Variants in TBXAS1 observed in about 807,000 individuals in gnomAD.
TBXAS1 encodes thromboxane A synthase 1, also known as thromboxane-A synthase.
In TBXAS1, 48 loss-of-function variants were observed where a neutral mutation model predicts 60.7. The observed-to-expected ratio is 0.79, with a 90% CI of 0.63 to 1.01. The LOEUF (loss-of-function observed/expected upper bound fraction) is 1.01, where lower values mean the gene tolerates loss of function less well. TBXAS1 is among the 50% of genes least tolerant of loss of function. The pLI, the probability that TBXAS1 is intolerant of heterozygous loss-of-function variation, is 0.00. For synonymous variants in TBXAS1, 287 were observed against 269.7 expected (o/e 1.06, Z -0.63); for missense variants, 685 against 686.3 (o/e 1.00, Z 0.02).
chr7:139,897,368 G>A (rs1804197301), intron 3 of TBXAS1, among the ~76,000 whole-genome samples: 1 of 151,848 alleles, frequency 6.6e-6, no homozygotes, highest in South Asian at 2.1e-4. Context: ...GGCAGGCGGG[G>A]GGAATAAGGA....
intron 4 of TBXAS1, among the ~76,000 whole-genome samples, chr7:139,930,594 C>T (rs930686795): frequency 6.6e-6 from 1 of 152,142 alleles, no homozygotes; most frequent in African/African-American, 2.4e-5. Context: ...GCAAATGCAA[C>T]CCGAGCTTCC....
At chr7:139,860,512 G>A (rs960102261) in intron 1 of TBXAS1, among the ~76,000 whole-genome samples, 1 of 152,236 alleles carries the variant, frequency 6.6e-6, no homozygotes. Flanking sequence ...ATGTGATTAA[G>A]TTGAAGATCA....
intron 3 of TBXAS1, among the ~76,000 whole-genome samples, chr7:139,892,462 G>A (rs762805719): frequency 3.3e-5 from 5 of 152,154 alleles, no homozygotes; most frequent in East Asian, 3.9e-4. Context: ...GTATGGTGCC[G>A]CGCACCTGTA....
intron 9 of TBXAS1, among the ~76,000 whole-genome samples, chr7:139,992,044 G>A (rs554393136): frequency 1.1e-3 from 166 of 152,252 alleles, no homozygotes; most frequent in African/African-American, 3.4e-3. Context: ...CTCCCCCAAC[G>A]CCCAGCCAAG....
chr7:139,902,150 G>A (rs1198512791), intron 3 of TBXAS1, among the ~76,000 whole-genome samples: 1 of 151,492 alleles, frequency 6.6e-6, no homozygotes, highest in Non-Finnish European at 1.5e-5. Flanking sequence ...GTGTGTGTGT[G>A]TAGTTCTATG....
intron 2 of TBXAS1, among the ~76,000 whole-genome samples, chr7:139,873,310 C>T (rs750457492): frequency 1.3e-5 from 2 of 152,072 alleles, no homozygotes; most frequent in Admixed American, 6.6e-5. Flanking sequence ...TAGGAAGGCA[C>T]GTGAAGAACT....
At chr7:139,954,497 T>C (rs377177026) in intron 6 of TBXAS1, among the ~76,000 whole-genome samples, 5 of 152,348 alleles carry the variant, frequency 3.3e-5, no homozygotes, top group African/African-American at 1.2e-4. Flanking sequence ...AAAAGCAGTG[T>C]GAATTTTAAA....
Position 139,933,748 on chromosome 7 carries a change from C to T in TBXAS1, c.334-2443C>T, listed in dbSNP as rs982857643. ...TTACAAGGCTTTTGAATTCTGATGA[C>T]TGGCTTCATGTTTCAGCTATAATTA... On this transcript the variant is annotated intron_variant, in intron 4 of 12. Transcript: ENST00000448866. Among the ~76,000 whole-genome samples the T allele has an allele frequency of 1.2e-4, 19 of 152,102 alleles. No individual in the cohort carries two copies. In the Middle Eastern group the frequency reaches 0.014, roughly 109 times the overall value.
intron 2 of TBXAS1, among the ~76,000 whole-genome samples, chr7:139,873,261 C>T (rs1801958566): frequency 6.6e-6 from 1 of 152,160 alleles, no homozygotes; most frequent in Admixed American, 6.5e-5. Flanking sequence ...CTGGGCAATG[C>T]AGTTGGGTGA....
intron 9 of TBXAS1, among the ~76,000 whole-genome samples, chr7:139,976,938 G>A (rs571430797): frequency 1.3e-5 from 2 of 152,208 alleles, no homozygotes; most frequent in East Asian, 3.9e-4. Context: ...TGGGTTTTCC[G>A]TGATCATGCT....
chr7:139,943,616 G>C (rs887818361), intron 5 of TBXAS1, among the ~76,000 whole-genome samples: 2 of 152,210 alleles, frequency 1.3e-5, no homozygotes, highest in African/African-American at 4.8e-5. Context: ...TCATTGGGGT[G>C]ACTTCTAATT....
rs149227224 is a variant in TBXAS1 at position 139,988,537 on chromosome 7, T to C, written c.1135-18554T>C. 2.1e-4 allele frequency among the ~76,000 whole-genome samples: 32 copies of C among 152,324 alleles called. 1 individual carries two copies. The highest frequency in any genetic ancestry group is 5.5e-4 in the African/African-American group (23 of 41,572). On this transcript the variant is annotated intron_variant, in intron 9 of 12. Transcript: ENST00000448866. ...TGCTTCTGCATCTTGACTTCTGCCGTGGTCCTGCCCAGAACCCTGAGGGCT... is the reference window on the plus strand; with the variant it reads ...TGCTTCTGCATCTTGACTTCTGCCGCGGTCCTGCCCAGAACCCTGAGGGCT...
Position 139,836,032 on chromosome 7 carries a change from G to A in TBXAS1, c.89+6553G>A, listed in dbSNP as rs527926352. 2.3e-5 allele frequency among the ~76,000 whole-genome samples: 3 copies of A among 129,182 alleles called. No homozygotes were observed. In the East Asian group the frequency reaches 6.3e-4, roughly 27 times the overall value. The allele number at this position is 129,182 out of a possible 152,430, so 84.7% of individuals were successfully genotyped here. On this transcript the variant is annotated intron_variant, in intron 1 of 12. Transcript: ENST00000448866. ...GAAGTCAACCCCTTTTACAATAGCT[G>A]CAAAAATAAATAAATAAATAAATAA...
intron 6 of TBXAS1, among the ~76,000 whole-genome samples, chr7:139,954,487 A>G (rs914160935): frequency 7.2e-5 from 11 of 152,270 alleles, no homozygotes; most frequent in Admixed American, 2.0e-4. Context: ...CGTTTTCAAT[A>G]AAAGCAGTGT....
chr7:139,921,364 T>C (rs1269176802), intron 4 of TBXAS1, among the ~76,000 whole-genome samples: 1 of 152,230 alleles, frequency 6.6e-6, no homozygotes, highest in Non-Finnish European at 1.5e-5. Context: ...CTGGCATCTT[T>C]TGCTCAACAT....
chr7:139,807,407 T>G (rs1176583819), intron 4 of TBXAS1, among the ~76,000 whole-genome samples: 1 of 151,604 alleles, frequency 6.6e-6, no homozygotes, highest in East Asian at 1.9e-4. Context: ...TTTTTTTAGA[T>G]GGAGTCTCGC....
chr7:139,877,686 G>A (rs1802348488), intron 3 of TBXAS1, among the ~76,000 whole-genome samples: 1 of 148,662 alleles, frequency 6.7e-6, no homozygotes, highest in East Asian at 2.0e-4. Context: ...GCCTCCCAAA[G>A]TGCTGGGATT....
At chr7:139,840,369 C>T (rs961182193) in intron 1 of TBXAS1, among the ~76,000 whole-genome samples, 2 of 152,172 alleles carry the variant, frequency 1.3e-5, no homozygotes, top group African/African-American at 4.8e-5. Context: ...TCAATTTGCC[C>T]ACCATTTCCC....
At chr7:139,825,413 G>A (rs12667080), upstream of TBXAS1, among the ~76,000 whole-genome samples, 14,406 of 152,204 alleles carry the variant, frequency 0.095, 929 homozygotes, top group Non-Finnish European at 0.14. Context: ...CACAGAATGG[G>A]TGTGGTAACG....
Sources: allele counts gnomAD v4.1 joint callset (sites outside exome capture counted in the v4.1 genomes callset), GRCh38; gene constraint gnomAD v4.1.1; transcripts MANE v1.5; gene names NCBI Gene and HGNC (gene_info 2026-07-23, HGNC 2026-07-21).